Variants in TMEM38B observed in about 807,000 individuals in gnomAD.
TMEM38B encodes transmembrane protein 38B, also known as trimeric intracellular cation channel type B.
In TMEM38B, 24 loss-of-function variants were observed where a neutral mutation model predicts 28.7. The ratio of observed to expected loss-of-function variants is 0.84; its 90% CI spans 0.61 to 1.18. The LOEUF is 1.18. Ranked by LOEUF, TMEM38B falls within the 50% of genes most tolerant of loss-of-function variation. The probability of loss-of-function intolerance (pLI) is 0.00; values close to 1 mark genes in which losing one functional copy is unlikely to be tolerated. For missense variants in TMEM38B, 380 were observed against 350.9 expected (o/e 1.08, Z -0.66); for synonymous variants, 131 against 127.7 (o/e 1.03, Z -0.17).
intron 4 of TMEM38B, among the ~76,000 whole-genome samples, chr9:105,746,448 A>C (rs1303953544): frequency 6.6e-6 from 1 of 152,234 alleles, no homozygotes; most frequent in Non-Finnish European, 1.5e-5. Flanking sequence ...ACTTTGCTGA[A>C]GTTGCTTATC....
chr9:105,701,928 T>A (rs1835474355), intron 1 of TMEM38B, among the ~76,000 whole-genome samples: 1 of 152,146 alleles, frequency 6.6e-6, no homozygotes, highest in Non-Finnish European at 1.5e-5. Context: ...TCAAACTTGA[T>A]CTAAGGCTGG....
In TMEM38B at chr9:105,776,565, T is replaced by C. The variant is rs1465480880; in HGVS notation, c.*2485T>C. 6.6e-6 allele frequency: 1 copy of C among 152,288 alleles called. No individual in the cohort carries two copies. The highest frequency in any genetic ancestry group is 2.4e-5 in the African/African-American group (1 of 41,570). 9.4% of individuals were successfully genotyped at this position (152,288 alleles called of 1,614,324 possible). The stretch of plus-strand genomic sequence containing the variant: ...ATCCCATGTTGTAAATGGAATAATG[T>C]GTTCAGAATGCTCTTTCTTTCCCCC... On this transcript the variant is annotated 3_prime_UTR_variant, in exon 6 of 6. Transcript: ENST00000374692.
chr9:105,733,787 T>G (rs555312057), intron 4 of TMEM38B, among the ~76,000 whole-genome samples: 35 of 152,224 alleles, frequency 2.3e-4, no homozygotes, highest in African/African-American at 7.2e-4. Context: ...TATTATTCTT[T>G]TTATTTCTGT....
At chr9:105,734,375 G>A (rs1282763971) in intron 4 of TMEM38B, among the ~76,000 whole-genome samples, 1 of 152,106 alleles carries the variant, frequency 6.6e-6, no homozygotes, top group African/African-American at 2.4e-5. Context: ...GTCCATCCTG[G>A]AGAATGTTTT....
chr9:105,730,691 G>T (rs943176867), intron 4 of TMEM38B, among the ~76,000 whole-genome samples: 2 of 152,106 alleles, frequency 1.3e-5, no homozygotes, highest in African/African-American at 4.8e-5. Flanking sequence ...AATCCATCTG[G>T]TCCTGGACTT....
intron 4 of TMEM38B, 45 bp from the exon 5 acceptor site, chr9:105,748,028 T>C (rs1837492097): frequency 7.8e-7 from 1 of 1,282,250 alleles, no homozygotes; most frequent in Non-Finnish European, 1.1e-6. Context: ...GTTAGAGATA[T>C]GTCATATTTA....
At chr9:105,752,087 T>C (rs969947481) in intron 5 of TMEM38B, among the ~76,000 whole-genome samples, 2 of 152,216 alleles carry the variant, frequency 1.3e-5, no homozygotes, top group Non-Finnish European at 2.9e-5. Flanking sequence ...CAGACTGTTT[T>C]TTTAAGCCGG....
chr9:105,758,804 C>T lies in TMEM38B; in HGVS notation c.660+10614C>T, dbSNP rs552343611. 52 of 878,704 alleles carry T rather than the reference C, an allele frequency of 5.9e-5. 1 individual carries two copies. The highest frequency in any genetic ancestry group is 2.0e-4 in the South Asian group (15 of 73,404). 54.4% of individuals were successfully genotyped at this position (878,704 alleles called of 1,614,324 possible). On this transcript the variant is annotated intron_variant, in intron 5 of 5. Coordinates refer to ENST00000374692, the MANE Select transcript of TMEM38B (RefSeq NM_018112.3). ...GATTACATTTATCTCAGGAAAATTC[C>T]GAGAAAATAAAGCATGAAATAATCA...
chr9:105,741,200 T>G (rs1211191195), intron 4 of TMEM38B, among the ~76,000 whole-genome samples: 2 of 152,334 alleles, frequency 1.3e-5, no homozygotes, highest in East Asian at 3.9e-4. Context: ...TGATTTTGAC[T>G]GATACTGATT....
intron 5 of TMEM38B, among the ~76,000 whole-genome samples, chr9:105,766,787 A>G (rs1479964185): frequency 6.6e-6 from 1 of 151,784 alleles, no homozygotes; most frequent in Admixed American, 6.6e-5. Context: ...CATGTGCACA[A>G]TATACAGGTT....
At chr9:105,741,641 C>G (rs371846962) in intron 4 of TMEM38B, among the ~76,000 whole-genome samples, 16 of 152,224 alleles carry the variant, frequency 1.1e-4, no homozygotes, top group African/African-American at 3.9e-4. Context: ...AACTTGTGAT[C>G]AGTGAATGTG....
intron 4 of TMEM38B, among the ~76,000 whole-genome samples, chr9:105,746,908 G>A (rs1447259364): frequency 6.6e-6 from 1 of 152,192 alleles, no homozygotes; most frequent in Non-Finnish European, 1.5e-5. Flanking sequence ...AACCAGCCTT[G>A]CATCCCAGGG....
At chr9:105,720,046 A>G (rs900658041) in intron 2 of TMEM38B, among the ~76,000 whole-genome samples, 1 of 152,138 alleles carries the variant, frequency 6.6e-6, no homozygotes, top group Admixed American at 6.5e-5. Flanking sequence ...ATTTTAAATC[A>G]TACTAGTTGT....
At chr9:105,715,323 C>CT (rs567622938) in intron 2 of TMEM38B, among the ~76,000 whole-genome samples, 46 of 151,808 alleles carry the variant, frequency 3.0e-4, no homozygotes, top group Non-Finnish European at 4.9e-4. Context: ...CTTTTAAGAT[C>CT]TTTTTTTTCT....
intron 4 of TMEM38B, among the ~76,000 whole-genome samples, chr9:105,734,814 G>A (rs546513731): frequency 8.0e-5 from 12 of 149,316 alleles, no homozygotes; most frequent in Non-Finnish European, 1.5e-4. Flanking sequence ...TTCAGCCTGT[G>A]TGCATCCTTA....
At chr9:105,761,116 G>A (rs187168423) in intron 5 of TMEM38B, among the ~76,000 whole-genome samples, 25 of 152,296 alleles carry the variant, frequency 1.6e-4, no homozygotes, top group Admixed American at 3.9e-4. Flanking sequence ...ATATGTGCAA[G>A]TTCTGAGATA....
At chr9:105,724,163 T>TA (rs1382245402) in intron 4 of TMEM38B, among the ~76,000 whole-genome samples, 2 of 152,306 alleles carry the variant, frequency 1.3e-5, no homozygotes, top group East Asian at 1.9e-4. Context: ...AAGTCACAGA[T>TA]ACGTTTCTCA....
chr9:105,707,110 A>G (rs1046889357), intron 2 of TMEM38B, among the ~76,000 whole-genome samples: 12 of 152,200 alleles, frequency 7.9e-5, no homozygotes, highest in African/African-American at 2.2e-4. Flanking sequence ...AGCATTTCCA[A>G]TATGAAAGGG....
intron 2 of TMEM38B, among the ~76,000 whole-genome samples, chr9:105,711,687 A>G (rs115580382): frequency 0.038 from 5,765 of 151,108 alleles, 375 homozygotes; most frequent in African/African-American, 0.13. Context: ...GAGTGTCGTG[A>G]CGCATGCCTG....
Sources: gnomAD v4.1 joint callset for allele counts (sites outside exome capture counted in the v4.1 genomes callset) on GRCh38, gnomAD v4.1.1 for gene constraint, MANE v1.5 for transcripts, NCBI Gene and HGNC (gene_info 2026-07-23, HGNC 2026-07-21) for gene names.